TRMT1: variants seen among roughly 807,000 people sequenced by gnomAD.
The protein encoded by TRMT1 is tRNA methyltransferase 1.
In TRMT1, 63 loss-of-function variants were observed where a neutral mutation model predicts 75.4. The observed-to-expected ratio is 0.84, with a 90% CI of 0.68 to 1.03. The LOEUF is 1.03. TRMT1 is among the 50% of genes least tolerant of loss of function. TRMT1 has a pLI of 0.00. For missense variants in TRMT1, 870 were observed against 905.3 expected (o/e 0.96, Z 0.50); for synonymous variants, 382 against 358.1 (o/e 1.07, Z -0.75).
intron 7 of TRMT1, among the ~76,000 whole-genome samples, chr19:13,111,371 A>G (rs2019131903): frequency 6.7e-6 from 1 of 148,750 alleles, no homozygotes. Context: ...GACACTCAAT[A>G]GGGTCAGACC....
At chr19:13,116,098 A>G (rs1281808369) in intron 2 of TRMT1, 46 bp from the exon 3 acceptor site, 1 of 1,613,714 alleles carries the variant, frequency 6.2e-7, no homozygotes, top group Non-Finnish European at 8.5e-7. Flanking sequence ...CCCGCCATCC[A>G]CACTGACCCA....
intron 12 of TRMT1, among the ~76,000 whole-genome samples, chr19:13,108,235 C>T (rs181528964): frequency 1.7e-3 from 254 of 151,626 alleles, no homozygotes; most frequent in Non-Finnish European, 3.5e-4. Context: ...GTGATCCGCC[C>T]GCCTCAGCCT....
chr19:13,108,975 GGC>G (rs1314595045), intron 12 of TRMT1, among the ~76,000 whole-genome samples: 2 of 147,628 alleles, frequency 1.4e-5, no homozygotes, highest in Non-Finnish European at 3.0e-5. Context: ...AGGCTGGAGT[GGC>G]ATGATCATAG....
Position 13,109,767 on chromosome 19 carries a change from A to G in TRMT1, c.1176+2T>C. 3.7e-6 allele frequency: 6 copies of G among 1,613,994 alleles called. No individual in the cohort carries two copies. The highest frequency in any genetic ancestry group is 5.1e-6 in the Non-Finnish European group (6 of 1,179,990). ...CCTTTGCCTCCCCTGGCCTAGCCCT[A>G]CCTGGTGTCGTTGCCCACAGTGTTC... On this transcript the variant is annotated splice_donor_variant, in intron 10 of 16. Coordinates refer to ENST00000357720, the MANE Select transcript of TRMT1 (RefSeq NM_001136035.4). LOFTEE classifies it high-confidence loss of function.
At position 13,115,748 on chromosome 19, in the gene TRMT1, C is replaced by T; in HGVS notation, c.331G>A (p.Asp111Asn). The change falls in exon 4 of 17, where the codon GAC becomes AAC. Residue 111 changes from aspartate (D) to asparagine (N), a missense_variant. Coordinates refer to ENST00000357720, the MANE Select transcript of TRMT1 (RefSeq NM_001136035.4). ...AAGTCCACGACCACTTTTTGCGTGT[C>T]CTTCTCTCCTGGAACCTTGACTGCA... ...GIQIKVPGEK[D>N]TQKVVVDLSE... The T allele has an allele frequency of 6.2e-7, 1 of 1,614,088 alleles. No homozygotes were observed. The highest frequency in any genetic ancestry group is 8.5e-7 in the Non-Finnish European group (1 of 1,180,022).
intron 14 of TRMT1, among the ~76,000 whole-genome samples, chr19:13,105,826 C>G (rs915484842): frequency 2.6e-5 from 4 of 152,156 alleles, no homozygotes; most frequent in African/African-American, 9.7e-5. Flanking sequence ...TTTTGGGAGG[C>G]TGAGGCGGGT....
At chr19:13,106,461 CT>C in intron 14 of TRMT1, among the ~76,000 whole-genome samples, 1 of 151,726 alleles carries the variant, frequency 6.6e-6, no homozygotes, top group East Asian at 1.9e-4. Flanking sequence ...AAAGTTACCC[CT>C]GGTATGCTGG....
rs1478167355 is a variant in TRMT1 at position 13,107,842 on chromosome 19, G to T, written c.1415C>A (p.Ala472Asp). 4 of 1,551,572 alleles carry T rather than the reference G, an allele frequency of 2.6e-6. No individual in the cohort carries two copies. The highest frequency in any genetic ancestry group is 3.9e-5 in the Admixed American group (2 of 50,962). Residue 472 changes from alanine to aspartate, a missense_variant, in exon 13 of 17, where the codon GCT becomes GAT. Ala to Asp is a moderately radical substitution (Grantham distance 126). Coordinates refer to ENST00000357720, the MANE Select transcript of TRMT1 (RefSeq NM_001136035.4). ...LLQLRSALLH[A>D]DFRVSLSHAC... ...GTGGGAGAGTGAGACCCGGAAGTCA[G>T]CGTGGAGGAGGGCCGACCTGGGGAA...
intron 14 of TRMT1, among the ~76,000 whole-genome samples, chr19:13,107,127 C>G (rs928684119): frequency 6.9e-6 from 1 of 145,776 alleles, no homozygotes; most frequent in Non-Finnish European, 1.5e-5. Context: ...TGAGCCACCG[C>G]ACCCAGCTAT....
rs140417503 is a variant in TRMT1, at chr19:13,106,813, TTTTATTTA to T, written c.1583+753_1583+760del. 7.0e-5 allele frequency among the ~76,000 whole-genome samples: 10 copies of T among 143,538 alleles called. No individual in the cohort carries two copies. In the South Asian group the frequency reaches 9.2e-4, roughly 13 times the overall value. The allele number at this position is 143,538 out of a possible 152,430, so 94.2% of individuals were successfully genotyped here. On this transcript the variant is annotated intron_variant, in intron 14 of 16. Transcript: ENST00000357720. ...AGTCAGCAGATTTAGTTATTTTTAT[TTTTATTTA>T]TTTATTTATTTATTTATTTGAGACG...
chr19:13,110,822 C>T (rs1237011158), intron 7 of TRMT1, among the ~76,000 whole-genome samples: 5 of 152,126 alleles, frequency 3.3e-5, no homozygotes, highest in African/African-American at 7.2e-5. Context: ...TGGTGGCGGG[C>T]GCCTGTAATC....
rs374273151 is a variant in TRMT1, at chr19:13,115,992, C to G, written c.310+5G>C. The G allele has an allele frequency of 5.0e-5, 80 of 1,614,012 alleles. No homozygotes were observed. Among genetic ancestry groups the G allele is most frequent in the Admixed American group, 8.3e-5 (5 of 60,012 alleles). ...CGCCCACCAGAAGCCTGGACCTCCA[C>G]TCACTCTGGATTCCTTTGGCCCCAA... On this transcript the variant is annotated splice_donor_5th_base_variant and intron_variant, in intron 3 of 16. Coordinates refer to ENST00000357720, the MANE Select transcript of TRMT1 (RefSeq NM_001136035.4).
intron 7 of TRMT1, among the ~76,000 whole-genome samples, chr19:13,110,616 C>T (rs1004048686): frequency 6.6e-6 from 1 of 152,230 alleles, no homozygotes; most frequent in Non-Finnish European, 1.5e-5. Flanking sequence ...TGAGGACCCA[C>T]GTTCCAGCCC....
In TRMT1 at chr19:13,116,215, G is replaced by A. The variant is rs761371515; in HGVS notation, c.185C>T (p.Ala62Val). ...VQETTVTEGA[A>V]KIAFPSANEV... ...GTTGGCACTGGGAAAGGCGATTTTG[G>A]CAGCCCCCTCGGTGACTGTCGTCTC... The change falls in exon 2 of 17, where the codon GCC becomes GTC. Residue 62 changes from alanine to valine, a missense_variant. Coordinates refer to ENST00000357720, the MANE Select transcript of TRMT1 (RefSeq NM_001136035.4). 1 of 1,614,168 alleles carries A rather than the reference G, an allele frequency of 6.2e-7. No individual in the cohort carries two copies. Among genetic ancestry groups the A allele is most frequent in the East Asian group, 2.2e-5 (1 of 44,884 alleles).
chr19:13,115,252 A>G, intron 5 of TRMT1, 27 bp downstream of exon 5: 1 of 1,591,182 alleles, frequency 6.3e-7, no homozygotes, highest in Non-Finnish European at 8.6e-7. Context: ...CTTGTCCCAG[A>G]GCTAGGCTGT....
At chr19:13,105,732 C>T (rs1568357110) in intron 14 of TRMT1, 126 bp from the exon 15 acceptor site, 1 of 991,628 alleles carries the variant, frequency 1.0e-6, no homozygotes, top group Non-Finnish European at 1.5e-6. Flanking sequence ...AGGATTCTCT[C>T]ATTCATCTAA....
chr19:13,113,554 A>G (rs1234298161), intron 5 of TRMT1, among the ~76,000 whole-genome samples: 2 of 152,132 alleles, frequency 1.3e-5, no homozygotes, highest in Non-Finnish European at 1.5e-5. Context: ...CAATACTGAT[A>G]TAAGACGTAT....
chr19:13,115,455 A>G lies in TRMT1; in HGVS notation c.465T>C (p.His155=), dbSNP rs779298729. The G allele has an allele frequency of 3.1e-6, 5 of 1,612,982 alleles. No individual in the cohort carries two copies. Among genetic ancestry groups the G allele is most frequent in the Non-Finnish European group, 3.4e-6 (4 of 1,179,494 alleles). The part of the protein sequence containing the change: ...AVGEICEEGL[H]VLEGLAASGL... ...CTGAAGCTGCCAGGCCTTCCAGCAC[A>G]TGCAGGCCTTCCTGTTGGAGTAAGC... is the stretch of plus-strand genomic sequence containing the variant. The change falls in exon 5 of 17, where the codon CAT becomes CAC. Residue 155 remains histidine, a synonymous_variant. Transcript: ENST00000357720.
rs2018790011 is a variant in TRMT1 at position 13,105,070 on chromosome 19, T to C, written c.1845A>G (p.Gln615=). The C allele has an allele frequency of 2.5e-6, 4 of 1,589,756 alleles. No individual in the cohort carries two copies. The highest frequency in any genetic ancestry group is 3.4e-6 in the Non-Finnish European group (4 of 1,166,652). ...PCKRFKEGTC[Q]RGDQCCYSHS... Reference sequence around the variant, plus strand: ...GGGAGTAGCAGCACTGGTCCCCGCGTTGACAGGTGCCCTGGTGGGAAGATG... The same window carrying C: ...GGGAGTAGCAGCACTGGTCCCCGCGCTGACAGGTGCCCTGGTGGGAAGATG... Residue 615 remains glutamine, a synonymous_variant, in exon 17 of 17, where the codon CAA becomes CAG. Transcript: ENST00000357720.
Sources: gnomAD v4.1 joint callset for allele counts (sites outside exome capture counted in the v4.1 genomes callset) on GRCh38, gnomAD v4.1.1 for gene constraint, MANE v1.5 for transcripts, NCBI Gene and HGNC (gene_info 2026-07-23, HGNC 2026-07-21) for gene names.